GLYAT: variants seen among roughly 807,000 people sequenced by gnomAD.
The protein encoded by GLYAT is glycine-N-acyltransferase.
A neutral mutation model predicts 22.8 loss-of-function variants in GLYAT; 25 were observed. The observed-to-expected ratio is 1.09, with a 90% CI of 0.80 to 1.53. The LOEUF (loss-of-function observed/expected upper bound fraction) is 1.53. Ranked by LOEUF, GLYAT falls within the 40% of genes most tolerant of loss-of-function variation. GLYAT has a pLI of 0.00. For synonymous variants in GLYAT, 140 were observed against 122.7 expected, an observed-to-expected ratio of 1.14 and a Z score of -0.93; for missense variants, 411 against 353.9, an observed-to-expected ratio of 1.16 and a Z score of -1.29.
At chr11:58,713,146 T>C (rs1856637742) in intron 3 of GLYAT, among the ~76,000 whole-genome samples, 1 of 152,172 alleles carries the variant, frequency 6.6e-6, no homozygotes, top group African/African-American at 2.4e-5. Context: ...TTTCAAGTCC[T>C]CCTTCAATCT....
chr11:58,720,895 T>A (rs118167679), intron 2 of GLYAT, among the ~76,000 whole-genome samples: 148 of 152,090 alleles, frequency 9.7e-4, no homozygotes, highest in Non-Finnish European at 1.7e-3. Flanking sequence ...CTACTATTAC[T>A]TTACCAAAAA....
At chr11:58,723,082 T>C (rs1357666290) in intron 2 of GLYAT, among the ~76,000 whole-genome samples, 1 of 152,018 alleles carries the variant, frequency 6.6e-6, no homozygotes, top group African/African-American at 2.4e-5. Context: ...TCAAAATGTT[T>C]AGGATCCACT....
intron 1 of GLYAT, among the ~76,000 whole-genome samples, chr11:58,725,481 C>T (rs565535825): frequency 6.6e-6 from 1 of 152,204 alleles, no homozygotes; most frequent in South Asian, 2.1e-4. Context: ...TAAAACTGGT[C>T]TGATGCAAGA....
At position 58,710,720 on chromosome 11, in the gene GLYAT, C is replaced by T. The variant is rs1438190859; in HGVS notation, c.358G>A (p.Ala120Thr). Residue 120 changes from alanine to threonine, a missense_variant, in exon 5 of 6, where the codon GCC becomes ACC. Ala to Thr is a moderately conservative substitution (Grantham distance 58, BLOSUM62 0). Coordinates refer to ENST00000344743, the MANE Select transcript of GLYAT (RefSeq NM_201648.3). ...TGTTTGACTTTGAAGGACTTAATGG[C>T]TGCAAGATTTTGTATAGCCTCATTC... is the stretch of plus-strand genomic sequence containing the variant. ...SLNEAIQNLA[A>T]IKSFKVKQTQ... 4 of 1,613,052 alleles carry T rather than the reference C, an allele frequency of 2.5e-6. No individual in the cohort carries two copies. Among genetic ancestry groups the T allele is most frequent in the Non-Finnish European group, 3.4e-6 (4 of 1,179,084 alleles).
intron 2 of GLYAT, among the ~76,000 whole-genome samples, chr11:58,715,647 C>A (rs768026140): frequency 9.2e-5 from 14 of 152,062 alleles, no homozygotes; most frequent in Admixed American, 5.2e-4. Context: ...TCCATCAGAG[C>A]CTTTAGATTA....
chr11:58,714,454 T>G (rs1405646935), intron 3 of GLYAT, among the ~76,000 whole-genome samples: 2 of 152,164 alleles, frequency 1.3e-5, no homozygotes, highest in Non-Finnish European at 2.9e-5. Context: ...TTTCAATAAT[T>G]TTAAGTGTTT....
rs1856576661 is a variant in GLYAT, at chr11:58,709,103, G to A, written c.*663C>T. On this transcript the variant is annotated 3_prime_UTR_variant, in exon 6 of 6. Transcript: ENST00000344743. Reference sequence around the variant, plus strand: ...ACACAAAACTTTCTGTATTATTTAGGAGTTGTGGGTTTTGGAAGCTCATCT... The same window carrying A: ...ACACAAAACTTTCTGTATTATTTAGAAGTTGTGGGTTTTGGAAGCTCATCT... 2 of 152,160 alleles carry A rather than the reference G, an allele frequency of 1.3e-5. No homozygotes were observed. The highest frequency in any genetic ancestry group is 4.8e-5 in the African/African-American group (2 of 41,432). The allele number at this position is 152,160 out of a possible 1,614,324, so 9.4% of individuals were successfully genotyped here.
Position 58,718,252 on chromosome 11 carries a change from C to T in GLYAT, c.82-2829G>A, listed in dbSNP as rs1856707709. ...ATAAGTTAAGAATACTCACAATTTC[C>T]AAATTCTGGAGAAGTGAGGTAGAGA... On this transcript the variant is annotated intron_variant, in intron 2 of 5. Coordinates refer to ENST00000344743, the MANE Select transcript of GLYAT (RefSeq NM_201648.3). 2.0e-5 allele frequency among the ~76,000 whole-genome samples: 3 copies of T among 151,972 alleles called. No individual in the cohort carries two copies. In the South Asian group the frequency reaches 6.2e-4, roughly 32 times the overall value.
intron 4 of GLYAT, among the ~76,000 whole-genome samples, chr11:58,711,748 C>T (rs529946398): frequency 2.6e-5 from 4 of 152,164 alleles, no homozygotes; most frequent in Non-Finnish European, 5.9e-5. Context: ...ATCCATTCCC[C>T]AGATAGTCCC....
chr11:58,711,984 G>A (rs954795343), intron 4 of GLYAT, among the ~76,000 whole-genome samples: 5 of 152,174 alleles, frequency 3.3e-5, no homozygotes, highest in African/African-American at 9.7e-5. Context: ...GTCACCAGCT[G>A]TCATGAACTA....
At chr11:58,712,225 A>G (rs1463981231) in intron 4 of GLYAT, among the ~76,000 whole-genome samples, 2 of 152,184 alleles carry the variant, frequency 1.3e-5, no homozygotes, top group Non-Finnish European at 2.9e-5. Context: ...ACTTTCATTT[A>G]ATCTTTTCAG....
intron 1 of GLYAT, among the ~76,000 whole-genome samples, chr11:58,727,967 C>T (rs1300241264): frequency 6.7e-6 from 1 of 150,268 alleles, no homozygotes; most frequent in African/African-American, 2.4e-5. Flanking sequence ...AAAGTTCAAA[C>T]TACTCACTTG....
At chr11:58,716,308 CA>C (rs1490638517) in intron 2 of GLYAT, among the ~76,000 whole-genome samples, 1 of 151,916 alleles carries the variant, frequency 6.6e-6, no homozygotes, top group Non-Finnish European at 1.5e-5. Context: ...GGAAATACAC[CA>C]AAAAGGTGCT....
chr11:58,721,787 G>A (rs1484041960), intron 2 of GLYAT, among the ~76,000 whole-genome samples: 1 of 151,830 alleles, frequency 6.6e-6, no homozygotes, highest in Non-Finnish European at 1.5e-5. Context: ...CCCTTTAGTA[G>A]TTAAAATTCA....
At chr11:58,715,936 A>T (rs1269386015) in intron 2 of GLYAT, among the ~76,000 whole-genome samples, 1 of 152,168 alleles carries the variant, frequency 6.6e-6, no homozygotes, top group Non-Finnish European at 1.5e-5. Context: ...TACAATATCC[A>T]GAAGAGTAAT....
chr11:58,713,371 A>G (rs1256506948), intron 3 of GLYAT, among the ~76,000 whole-genome samples: 2 of 152,192 alleles, frequency 1.3e-5, no homozygotes, highest in South Asian at 2.1e-4. Flanking sequence ...CAAATAAAAG[A>G]CATAACCATT....
chr11:58,721,576 C>G (rs1856750648), intron 2 of GLYAT, among the ~76,000 whole-genome samples: 1 of 152,006 alleles, frequency 6.6e-6, no homozygotes, highest in Admixed American at 6.6e-5. Flanking sequence ...AACATGCACA[C>G]ATGAACACAT....
At chr11:58,710,433 A>G (rs759873200) in intron 5 of GLYAT, 157 bp downstream of exon 5, 26 of 739,284 alleles carry the variant, frequency 3.5e-5, no homozygotes, top group Non-Finnish European at 4.7e-5. Flanking sequence ...TCTTTTAAGC[A>G]GGAGAGAAAC....
At chr11:58,713,926 G>A (rs1319651159) in intron 3 of GLYAT, among the ~76,000 whole-genome samples, 1 of 151,874 alleles carries the variant, frequency 6.6e-6, no homozygotes, top group African/African-American at 2.4e-5. Context: ...ATAAATGATT[G>A]CATATATTTA....
Sources: allele counts gnomAD v4.1 joint callset (sites outside exome capture counted in the v4.1 genomes callset), GRCh38; gene constraint gnomAD v4.1.1; transcripts MANE v1.5; gene names NCBI Gene and HGNC (gene_info 2026-07-23, HGNC 2026-07-21).